The following ECI2 variants were observed in gnomAD, a reference collection of about 807,000 sequenced individuals.
ECI2 encodes enoyl-CoA delta isomerase 2, also known as D3,D2-enoyl-CoA isomerase.
In ECI2, 27 loss-of-function variants were observed where a neutral mutation model predicts 38.4. The observed-to-expected ratio is 0.70, with a 90% CI of 0.52 to 0.97. The LOEUF (loss-of-function observed/expected upper bound fraction) is 0.97. Among genes scored for constraint, ECI2 ranks in the 50% least tolerant of loss-of-function variants. ECI2 has a pLI of 0.00. For synonymous variants in ECI2, 168 were observed against 172.0 expected (o/e 0.98, Z 0.18); for missense variants, 470 against 474.4 (o/e 0.99, Z 0.09).
At chr6:4,126,036 G>A (rs1773132530) in intron 6 of ECI2, 99 bp downstream of exon 6, 1 of 932,000 alleles carries the variant, frequency 1.1e-6, no homozygotes, top group Non-Finnish European at 1.7e-6. Flanking sequence ...TAACTGCACT[G>A]ACACAGAGAA....
chr6:4,127,246 T>C (rs2113994394), intron 5 of ECI2, among the ~76,000 whole-genome samples: 1 of 152,310 alleles, frequency 6.6e-6, no homozygotes, highest in Admixed American at 6.5e-5. Context: ...CCGTTATAAA[T>C]CAGGTTACCA....
chr6:4,117,267 A>G (rs775254989), intron 9 of ECI2, 41 bp downstream of exon 9: 1 of 1,549,916 alleles, frequency 6.5e-7, no homozygotes, highest in Non-Finnish European at 8.7e-7. Context: ...CCCTTAGGAA[A>G]TCATTTTCAA....
At chr6:4,130,665 A>C in intron 3 of ECI2, 102 bp downstream of exon 3, 1 of 1,601,966 alleles carries the variant, frequency 6.2e-7, no homozygotes, top group Non-Finnish European at 8.5e-7. Flanking sequence ...AAAGAATAGA[A>C]GCACATCAAG....
chr6:4,134,457 G>C (rs1773635186), intron 1 of ECI2, among the ~76,000 whole-genome samples: 1 of 152,180 alleles, frequency 6.6e-6, no homozygotes, highest in Non-Finnish European at 1.5e-5. Context: ...TAGTGAGCGG[G>C]GGTGGGGTGG....
intron 5 of ECI2, 113 bp from the exon 6 acceptor site, chr6:4,126,350 A>G: frequency 4.7e-6 from 4 of 852,310 alleles, no homozygotes; most frequent in East Asian, 2.6e-5. Flanking sequence ...AGAACGAGCA[A>G]TGGTTCCTGC....
chr6:4,130,117 CATTT>C (rs1204545753), intron 4 of ECI2: 1 of 1,612,596 alleles, frequency 6.2e-7, no homozygotes, highest in Admixed American at 1.7e-5. Context: ...CATTTATATT[CATTT>C]ATTTCTGCTT....
intron 8 of ECI2, 180 bp from the exon 9 acceptor site, chr6:4,117,631 C>T (rs1772371414): frequency 9.3e-6 from 7 of 750,672 alleles, no homozygotes; most frequent in Non-Finnish European, 1.4e-5. Flanking sequence ...TGTGCTGAGA[C>T]AGGCTCCTGG....
Position 4,117,352 on chromosome 6 carries a change from C to T in ECI2, c.985G>A (p.Glu329Lys). 6.2e-7 allele frequency: 1 copy of T among 1,613,880 alleles called. No homozygotes were observed. Among genetic ancestry groups the T allele is most frequent in the Non-Finnish European group, 8.5e-7 (1 of 1,179,912 alleles). ...AATGCCTTCAGCCTGGTCCAGACTT[C>T]TTTCTGAAAAGTGCTATCAGGGAAA... ...EVFPDSTFQK[E>K]VWTRLKAFAK... The change falls in exon 9 of 10, where the codon GAA becomes AAA. Residue 329 changes from glutamate to lysine, a missense_variant. Transcript: ENST00000380118.
chr6:4,135,551 C>A lies in ECI2; in HGVS notation c.10G>T (p.Ala4Ser). The A allele has an allele frequency of 1.2e-6, 2 of 1,610,144 alleles. No homozygotes were observed. The highest frequency in any genetic ancestry group is 1.7e-6 in the Non-Finnish European group (2 of 1,178,970). The change falls in exon 1 of 10, where the codon GCG becomes TCG. Residue 4 changes from alanine (A) to serine (S), a missense_variant. Ala to Ser is a moderately conservative substitution (Grantham distance 99). Transcript: ENST00000380118. ...CGCGCCAGTCTCCAAGCCAAGTACG[C>A]CATCGCCATCCCTTGGGCGGCTCTA... MAM[A>S]YLAWRLARRS...
At chr6:4,119,330 T>C in intron 7 of ECI2, 55 bp from the exon 8 acceptor site, 2 of 1,447,658 alleles carry the variant, frequency 1.4e-6, no homozygotes, top group Non-Finnish European at 1.9e-6. Flanking sequence ...TTTTTTTTTT[T>C]TTTTTTGAGA....
In ECI2 at chr6:4,119,262, G is replaced by C; in HGVS notation, c.809C>G (p.Thr270Arg). ...ACTTTGGCCTAGGTGACTAAATGGT[G>C]TATGAAATGTTGCCTGCAGAGGCAG... is the stretch of plus-strand genomic sequence containing the variant. ...VYASDRATFH[T>R]PFSHLGQSPE... Residue 270 changes from threonine to arginine, a missense_variant, in exon 8 of 10, where the codon ACA becomes AGA. Thr to Arg is a moderately conservative substitution (Grantham distance 71). Transcript: ENST00000380118. The C allele has an allele frequency of 6.2e-7, 1 of 1,611,858 alleles. No homozygotes were observed. Among genetic ancestry groups the C allele is most frequent in the Non-Finnish European group, 8.5e-7 (1 of 1,178,930 alleles).
chr6:4,124,718 T>C (rs1187091363), intron 7 of ECI2, among the ~76,000 whole-genome samples: 1 of 152,176 alleles, frequency 6.6e-6, no homozygotes, highest in Non-Finnish European at 1.5e-5. Flanking sequence ...ACTACTGTAG[T>C]AAAAATAAAA....
intron 7 of ECI2, among the ~76,000 whole-genome samples, chr6:4,121,287 AT>A (rs1772732730): frequency 6.6e-6 from 1 of 152,128 alleles, no homozygotes; most frequent in African/African-American, 2.4e-5. Flanking sequence ...TTTCTCCACT[AT>A]TTTTTTAAGT....
intron 1 of ECI2, 82 bp from the exon 2 acceptor site, chr6:4,133,793 C>G (rs1471018801): frequency 2.1e-6 from 3 of 1,450,792 alleles, no homozygotes; most frequent in Non-Finnish European, 2.7e-6. Flanking sequence ...CCAGCCTATA[C>G]ATAACAAAAT....
At position 4,133,828 on chromosome 6, in the gene ECI2, C is replaced by T. The variant is rs536673925; in HGVS notation, c.51-117G>A. 1.5e-4 allele frequency: 193 copies of T among 1,271,840 alleles called. 1 individual carries two copies. The highest frequency in any genetic ancestry group is 3.5e-4 in the South Asian group (18 of 51,382). 78.8% of individuals were successfully genotyped at this position (1,271,840 alleles called of 1,614,324 possible). ...TGCCATGTTTGTCTATAGATATTTT[C>T]TTTATACTTGCCTCAGCAAACTGGC... On this transcript the variant is annotated intron_variant, in intron 1 of 9. Coordinates refer to ENST00000380118, the MANE Select transcript of ECI2 (RefSeq NM_206836.3).
At chr6:4,130,103 G>T in intron 4 of ECI2, 1 of 1,611,262 alleles carries the variant, frequency 6.2e-7, no homozygotes, top group Non-Finnish European at 8.5e-7. Context: ...ATAGCAACAT[G>T]TTTCATTTAT....
At chr6:4,135,489 A>C in intron 1 of ECI2, 22 bp downstream of exon 1, 2 of 1,587,408 alleles carry the variant, frequency 1.3e-6, no homozygotes, top group Non-Finnish European at 8.6e-7. Flanking sequence ...CATGGGCCGA[A>C]CGGCCGGGAC....
intron 2 of ECI2, among the ~76,000 whole-genome samples, chr6:4,131,191 C>T (rs1455159044): frequency 6.6e-6 from 1 of 152,062 alleles, no homozygotes; most frequent in East Asian, 1.9e-4. Context: ...TCAAAATATT[C>T]AAGCAAACAA....
At chr6:4,133,417 C>T in intron 2 of ECI2, 132 bp downstream of exon 2, 1 of 1,031,140 alleles carries the variant, frequency 9.7e-7, no homozygotes, top group Non-Finnish European at 1.4e-6. Flanking sequence ...TATACACACA[C>T]ACACTCTTCA....
Sources: allele counts gnomAD v4.1 joint callset (sites outside exome capture counted in the v4.1 genomes callset), GRCh38; gene constraint gnomAD v4.1.1; transcripts MANE v1.5; gene names NCBI Gene and HGNC (gene_info 2026-07-23, HGNC 2026-07-21).